ANK1: variants seen among roughly 807,000 people sequenced by gnomAD.
The protein encoded by ANK1 is ankyrin 1, also known as ankyrin-1.
ANK1 carries 51 observed loss-of-function variants against 210.4 expected under a neutral mutation model. That is an observed-to-expected ratio of 0.24 (90% CI 0.19 to 0.31). The LOEUF (loss-of-function observed/expected upper bound fraction) is 0.31. ANK1 is among the 10% of genes least tolerant of loss of function. The probability of loss-of-function intolerance (pLI) is 1.00; values close to 1 mark genes in which losing one functional copy is unlikely to be tolerated. For synonymous variants in ANK1, 967 were observed against 1,025.9 expected, an observed-to-expected ratio of 0.94 and a Z score of 1.10; for missense variants, 2,051 against 2,504.4, an observed-to-expected ratio of 0.82 and a Z score of 3.86.
intron 9 of ANK1, among the ~76,000 whole-genome samples, chr8:41,720,933 G>A (rs1016210402): frequency 3.9e-5 from 6 of 152,128 alleles, no homozygotes; most frequent in African/African-American, 1.2e-4. Context: ...CTGGAGCTGC[G>A]CCAAGAAAGG....
chr8:41,756,968 GTGAGGTCCCTA>G, intron 2 of ANK1, among the ~76,000 whole-genome samples: 1 of 152,298 alleles, frequency 6.6e-6, no homozygotes, highest in Non-Finnish European at 1.5e-5. Flanking sequence ...TTCCGTTTCT[GTGAGGTCCCTA>G]TAGTAGTAAA....
intron 1 of ANK1, among the ~76,000 whole-genome samples, chr8:41,838,232 G>A (rs1420448131): frequency 6.6e-6 from 1 of 152,192 alleles, no homozygotes. Context: ...GGCACAGAAA[G>A]GTTTGGTGAA....
At chr8:41,884,126 G>A (rs1306652880) in intron 1 of ANK1, among the ~76,000 whole-genome samples, 1 of 152,192 alleles carries the variant, frequency 6.6e-6, no homozygotes, top group Non-Finnish European at 1.5e-5. Flanking sequence ...GAGGCAGACA[G>A]ATTTCTTGAG....
chr8:41,734,600 T>C (rs1230016238), intron 2 of ANK1, among the ~76,000 whole-genome samples: 1 of 152,188 alleles, frequency 6.6e-6, no homozygotes, highest in Non-Finnish European at 1.5e-5. Flanking sequence ...AGTATTAAAA[T>C]AGCCCCTTTG....
At chr8:41,867,054 T>C (rs1587513725) in intron 1 of ANK1, among the ~76,000 whole-genome samples, 3 of 152,320 alleles carry the variant, frequency 2.0e-5, no homozygotes, top group Middle Eastern at 3.4e-3. Flanking sequence ...TCTACCCTAG[T>C]ATAAATTTTA....
Position 41,690,237 on chromosome 8 carries a change from G to C in ANK1, c.4094C>G (p.Pro1365Arg). 1 of 1,614,226 alleles carries C rather than the reference G, an allele frequency of 6.2e-7. No individual in the cohort carries two copies. The highest frequency in any genetic ancestry group is 8.5e-7 in the Non-Finnish European group (1 of 1,180,048). The change falls in exon 33 of 43, where the codon CCC becomes CGC. Residue 1365 changes from proline to arginine, a missense_variant. By Grantham distance (103) the Pro-to-Arg change is moderately radical (BLOSUM62 -2). Around this residue, in one of 6 missense-constraint regions of ANK1, gnomAD observed 1,413 missense variants for 1,707.4 expected, o/e 0.83. Coordinates refer to ENST00000289734, the MANE Select transcript of ANK1 (RefSeq NM_000037.4). ...ILCHLNITMP[P>R]CAKGSGAEDR... is the part of the protein sequence containing the mutation. ...CAGGTGCCAGCTCACCTTGGCGCAG[G>C]GGGGCATGGTGATGTTCAGGTGGCA...
At chr8:41,777,611 A>ACAAACAAAC (rs1563744102) in intron 1 of ANK1, among the ~76,000 whole-genome samples, 1 of 151,334 alleles carries the variant, frequency 6.6e-6, no homozygotes, top group Non-Finnish European at 1.5e-5. Context: ...ACAATAAATA[A>ACAAACAAAC]AAACAAACAA....
At chr8:41,796,454 G>A (rs920565132) in intron 1 of ANK1, among the ~76,000 whole-genome samples, 1 of 151,172 alleles carries the variant, frequency 6.6e-6, no homozygotes, top group Non-Finnish European at 1.5e-5. Flanking sequence ...TGCCACAAGA[G>A]GAAAAAGACT....
intron 1 of ANK1, among the ~76,000 whole-genome samples, chr8:41,867,957 T>C (rs1019017856): frequency 1.3e-5 from 2 of 152,200 alleles, no homozygotes; most frequent in Non-Finnish European, 2.9e-5. Flanking sequence ...CCTCCCAGGT[T>C]CAAGCGATTC....
At chr8:41,772,002 G>A (rs951596695) in intron 1 of ANK1, among the ~76,000 whole-genome samples, 9 of 152,172 alleles carry the variant, frequency 5.9e-5, no homozygotes, top group African/African-American at 2.2e-4. Context: ...TGGGAGAACA[G>A]GTCCGGGCTG....
Position 41,708,771 on chromosome 8 carries a change from T to C in ANK1, c.1998+7A>G, listed in dbSNP as rs748301841. On this transcript the variant is annotated splice_region_variant and intron_variant, in intron 17 of 42. Transcript: ENST00000289734. Reference sequence around the variant, plus strand: ...CTCCAGGGCAGATCCGAAGACACCATGCCTACCTTGTTCCCCAGGTTGCCA... The same window carrying C: ...CTCCAGGGCAGATCCGAAGACACCACGCCTACCTTGTTCCCCAGGTTGCCA... The C allele has an allele frequency of 3.1e-6, 5 of 1,613,550 alleles. No homozygotes were observed. In the African/African-American group the frequency reaches 6.7e-5, roughly 22 times the overall value.
At position 41,698,222 on chromosome 8, in the gene ANK1, A is replaced by G. The variant is rs492008; in HGVS notation, c.2559-101T>C. ...GCCTCTCCCTCCGGCTTTCCACTCC[A>G]GAGCCTGACTGCGCTTCACAACCTG... On this transcript the variant is annotated intron_variant, in intron 23 of 42. Transcript: ENST00000289734. 0.7 allele frequency: 858,879 copies of G among 1,228,944 alleles called. 302,994 individuals are homozygous for G. Among genetic ancestry groups the G allele is most frequent in the East Asian group, 0.91 (37,608 of 41,452 alleles). The allele number at this position is 1,228,944 out of a possible 1,614,324, so 76.1% of individuals were successfully genotyped here. A position where few individuals can be genotyped will look rare whatever the true frequency, so the allele number is the denominator to read the frequency against.
chr8:41,842,138 G>A (rs1256685844), intron 1 of ANK1, among the ~76,000 whole-genome samples: 2 of 152,236 alleles, frequency 1.3e-5, no homozygotes, highest in Non-Finnish European at 2.9e-5. Context: ...GGAGGCACCA[G>A]GGTGGACAGG....
At chr8:41,682,593 G>A (rs1816409443) in intron 37 of ANK1, among the ~76,000 whole-genome samples, 1 of 152,224 alleles carries the variant, frequency 6.6e-6, no homozygotes, top group South Asian at 2.1e-4. Flanking sequence ...GACATGGAGT[G>A]CACAGGCCCA....
At chr8:41,841,425 A>G (rs1808872648) in intron 1 of ANK1, among the ~76,000 whole-genome samples, 1 of 152,232 alleles carries the variant, frequency 6.6e-6, no homozygotes, top group Non-Finnish European at 1.5e-5. Context: ...GTAAGTTTCC[A>G]CTATGCAAGA....
chr8:41,868,542 T>TCACGGCA (rs1199437027), intron 1 of ANK1, among the ~76,000 whole-genome samples: 1 of 152,242 alleles, frequency 6.6e-6, no homozygotes, highest in Admixed American at 6.5e-5. Context: ...TCAGAAATGT[T>TCACGGCA]CACGGCATTT....
intron 1 of ANK1, among the ~76,000 whole-genome samples, chr8:41,853,851 C>G (rs1346991299): frequency 6.6e-6 from 1 of 152,148 alleles, no homozygotes; most frequent in East Asian, 1.9e-4. Context: ...GCCTCAAACT[C>G]CTGGGCACCA....
intron 15 of ANK1, 94 bp from the exon 16 acceptor site, chr8:41,714,348 TA>T: frequency 2.1e-6 from 2 of 936,320 alleles, no homozygotes; most frequent in South Asian, 2.6e-5. Context: ...TTTTATACAG[TA>T]AAATCCTGTT....
Position 41,668,359 on chromosome 8 carries a change from C to T in ANK1, c.5302G>A (p.Ala1768Thr). Reference protein sequence around the residue: ...SEHTWTEQPEAESSQADRDRR... With the variant: ...SEHTWTEQPETESSQADRDRR... Reference sequence around the variant, plus strand: ...TCCCTGTCGGCCTGGGAGCTCTCAGCCTCGGGCTGTTCTGTCCACGTGTGC... The same window carrying T: ...TCCCTGTCGGCCTGGGAGCTCTCAGTCTCGGGCTGTTCTGTCCACGTGTGC... Residue 1768 changes from alanine (A) to threonine (T), a missense_variant, in exon 39 of 43, where the codon GCT becomes ACT. Coordinates refer to ENST00000289734, the MANE Select transcript of ANK1 (RefSeq NM_000037.4). 1.2e-6 allele frequency: 2 copies of T among 1,614,224 alleles called. No homozygotes were observed. Among genetic ancestry groups the T allele is most frequent in the Non-Finnish European group, 1.7e-6 (2 of 1,180,026 alleles).
Sources: allele counts gnomAD v4.1 joint callset (sites outside exome capture counted in the v4.1 genomes callset), GRCh38; gene constraint gnomAD v4.1.1; regional missense constraint gnomAD v4.1.1; transcripts MANE v1.5; gene names NCBI Gene and HGNC (gene_info 2026-07-23, HGNC 2026-07-21).